Variants in GCNT1 observed in about 807,000 individuals in gnomAD.
GCNT1 encodes the protein glucosaminyl (N-acetyl) transferase 1, also known as beta-1,3-galactosyl-O-glycosyl-glycoprotein beta-1,6-N-acetylglucosaminyltransferase.
In GCNT1, 16 loss-of-function variants were observed where a neutral mutation model predicts 26.2. The ratio of observed to expected loss-of-function variants is 0.61; its 90% confidence interval spans 0.41 to 0.93. The LOEUF is 0.93. GCNT1 is among the 40% of genes least tolerant of loss of function. The pLI, the probability that GCNT1 is intolerant of heterozygous loss-of-function variation, is 0.00. For synonymous variants in GCNT1, 183 were observed against 190.8 expected (o/e 0.96, Z 0.34); for missense variants, 477 against 526.7 (o/e 0.91, Z 0.92).
intron 2 of GCNT1, among the ~76,000 whole-genome samples, chr9:76,491,017 A>C (rs576905690): frequency 3.9e-5 from 6 of 152,366 alleles, no homozygotes; most frequent in African/African-American, 1.4e-4. Context: ...GAAGACCTTC[A>C]ATTATCAATT....
chr9:76,422,896 ACATGAGATATT>A (rs1823216778), intron 1 of GCNT1, among the ~76,000 whole-genome samples: 1 of 152,242 alleles, frequency 6.6e-6, no homozygotes, highest in Admixed American at 6.5e-5. Context: ...TCAATAAATT[ACATGAGATATT>A]CAACACTATT....
chr9:76,394,475 C>T, the GCNT1 span: 20 of 284,350 alleles, frequency 7.0e-5, no homozygotes, highest in Non-Finnish European at 1.3e-4. Context: ...AGCGCAGAGC[C>T]GGCCTCCGCG....
intron 2 of GCNT1, among the ~76,000 whole-genome samples, chr9:76,474,659 T>A (rs958301877): frequency 6.6e-6 from 1 of 152,222 alleles, no homozygotes; most frequent in Non-Finnish European, 1.5e-5. Context: ...GCAGAGGATG[T>A]GTAAGTGAAG....
chr9:76,428,265 C>CAAAAAAAAAAAA (rs869195487), intron 1 of GCNT1, among the ~76,000 whole-genome samples: 425 of 29,742 alleles, frequency 0.014, 31 homozygotes, highest in Non-Finnish European at 0.021. Context: ...GACTCCGTCT[C>CAAAAAAAAAAAA]AAAAAAAAAA....
intron 1 of GCNT1, among the ~76,000 whole-genome samples, chr9:76,428,127 G>T (rs1185823142): frequency 6.6e-6 from 1 of 151,688 alleles, no homozygotes; most frequent in Non-Finnish European, 1.5e-5. Flanking sequence ...TTAGCCGCGC[G>T]TGGTGGCGGG....
At chr9:76,466,060 G>A (rs1339196698) in intron 2 of GCNT1, among the ~76,000 whole-genome samples, 1 of 152,154 alleles carries the variant, frequency 6.6e-6, no homozygotes, top group Non-Finnish European at 1.5e-5. Flanking sequence ...ATGTTTGGGA[G>A]CTGTTGCATG....
At chr9:76,447,804 C>T (rs956595744) in intron 1 of GCNT1, among the ~76,000 whole-genome samples, 1 of 152,190 alleles carries the variant, frequency 6.6e-6, no homozygotes, top group African/African-American at 2.4e-5. Flanking sequence ...CTGTGAGCCC[C>T]CTGGCTCATC....
At chr9:76,429,403 T>A (rs1587406514) in intron 1 of GCNT1, among the ~76,000 whole-genome samples, 1 of 152,356 alleles carries the variant, frequency 6.6e-6, no homozygotes, top group East Asian at 1.9e-4. Flanking sequence ...GCAAAGTGGT[T>A]GTATCAATTT....
At chr9:76,439,223 C>CTTTTTTTTTTT, upstream of GCNT1, among the ~76,000 whole-genome samples, 236 of 119,992 alleles carry the variant, frequency 2.0e-3, no homozygotes, top group Non-Finnish European at 2.5e-3. Flanking sequence ...TTTTCTTTTT[C>CTTTTTTTTTTT]TTTTTTTTTT....
chr9:76,498,151 C>T (rs1824961219), intron 2 of GCNT1, among the ~76,000 whole-genome samples: 1 of 152,142 alleles, frequency 6.6e-6, no homozygotes, highest in African/African-American at 2.4e-5. Flanking sequence ...TGTGTGAGAC[C>T]TTCATATCTT....
chr9:76,394,939 C>T, the GCNT1 span, among the ~76,000 whole-genome samples: 1 of 152,332 alleles, frequency 6.6e-6, no homozygotes, highest in East Asian at 1.9e-4. Context: ...AGCGGTCGTC[C>T]TCCAGGACCA....
chr9:76,415,977 G>A (rs879447532), upstream of GCNT1, among the ~76,000 whole-genome samples: 1 of 152,100 alleles, frequency 6.6e-6, no homozygotes, highest in Non-Finnish European at 1.5e-5. Flanking sequence ...AGGAGGCAGG[G>A]AAATACTGAA....
At chr9:76,465,621 G>A (rs898827130) in intron 2 of GCNT1, among the ~76,000 whole-genome samples, 1 of 152,232 alleles carries the variant, frequency 6.6e-6, no homozygotes, top group East Asian at 1.9e-4. Flanking sequence ...GACTTGTTAC[G>A]CAGGCACAGC....
At chr9:76,478,962 C>T (rs1330480293) in intron 2 of GCNT1, among the ~76,000 whole-genome samples, 1 of 152,184 alleles carries the variant, frequency 6.6e-6, no homozygotes, top group East Asian at 1.9e-4. Flanking sequence ...CACCCATTAA[C>T]TTGTCATTTA....
intron 2 of GCNT1, among the ~76,000 whole-genome samples, chr9:76,486,916 A>AAAACAAAC (rs74278555): frequency 7.8e-4 from 117 of 150,956 alleles, no homozygotes; most frequent in Middle Eastern, 3.4e-3. Flanking sequence ...ATCTCTACTT[A>AAAACAAAC]AAACAAACAA....
chr9:76,428,963 G>A (rs922361281), intron 1 of GCNT1, among the ~76,000 whole-genome samples: 1 of 152,074 alleles, frequency 6.6e-6, no homozygotes, highest in Non-Finnish European at 1.5e-5. Flanking sequence ...GCCTCCCAAA[G>A]TGTTGGGATT....
At chr9:76,402,052 T>A in the GCNT1 span, among the ~76,000 whole-genome samples, 1 of 152,320 alleles carries the variant, frequency 6.6e-6, no homozygotes, top group Middle Eastern at 3.4e-3. Context: ...TCTTGTGCCA[T>A]CTCCAGCCAG....
intron 1 of GCNT1, among the ~76,000 whole-genome samples, chr9:76,429,867 A>G (rs1448758125): frequency 6.6e-6 from 1 of 151,686 alleles, no homozygotes; most frequent in African/African-American, 2.4e-5. Context: ...CGCACCCGCC[A>G]CCACGCCCGG....
At position 76,503,062 on chromosome 9, in the gene GCNT1, A is replaced by G. The variant is rs1448911627; in HGVS notation, c.681A>G (p.Leu227=). ...TGGATTTTCCCATTAAAACCAACCT[A>G]GAAATTGTCAGGAAGCTCAAGTTGT... is the stretch of plus-strand genomic sequence containing the variant. ...CGMDFPIKTN[L]EIVRKLKLLM... The change falls in exon 4 of 4, where the codon CTA becomes CTG. Residue 227 remains leucine, a synonymous_variant. Coordinates refer to ENST00000376730, the MANE Select transcript of GCNT1 (RefSeq NM_001490.5). 1.2e-6 allele frequency: 2 copies of G among 1,614,014 alleles called. No individual in the cohort carries two copies. The highest frequency in any genetic ancestry group is 1.3e-5 in the African/African-American group (1 of 74,902).
Sources: allele counts gnomAD v4.1 joint callset (sites outside exome capture counted in the v4.1 genomes callset), GRCh38; gene constraint gnomAD v4.1.1; transcripts MANE v1.5; gene names NCBI Gene and HGNC (gene_info 2026-07-23, HGNC 2026-07-21).